TENM3: variants seen among roughly 807,000 people sequenced by gnomAD.
The protein encoded by TENM3 is teneurin-3.
Under a neutral mutation model 255.1 loss-of-function variants are expected in TENM3, and 63 were observed. The ratio of observed to expected loss-of-function variants is 0.25; its 90% CI spans 0.20 to 0.30. TENM3 has a LOEUF of 0.30. TENM3 is among the 10% of genes least tolerant of loss of function. TENM3 has a pLI of 1.00. For missense variants in TENM3, 2,929 were observed against 3,461.1 expected (o/e 0.85, Z 3.86); for synonymous variants, 1,306 against 1,322.3 (o/e 0.99, Z 0.27).
At chr4:182,714,962 G>A (rs1046849752) in intron 13 of TENM3, among the ~76,000 whole-genome samples, 22 of 152,286 alleles carry the variant, frequency 1.4e-4, no homozygotes, top group East Asian at 1.4e-3. Flanking sequence ...TCAGCTCACC[G>A]CAGCCTCCAC....
chr4:181,649,331 A>G, the TENM3 span, among the ~76,000 whole-genome samples: 17 of 152,240 alleles, frequency 1.1e-4, no homozygotes, highest in African/African-American at 4.1e-4. Flanking sequence ...GTCCATCAAT[A>G]CCGGTATGAG....
chr4:182,733,102 A>G (rs1359189851), intron 16 of TENM3, among the ~76,000 whole-genome samples: 1 of 152,228 alleles, frequency 6.6e-6, no homozygotes, highest in East Asian at 1.9e-4. Context: ...AAAATAATAA[A>G]GCAGGGGACA....
the TENM3 span, among the ~76,000 whole-genome samples, chr4:181,815,462 C>CAAAAAAA: frequency 0.3 from 24,120 of 80,168 alleles, 3,311 homozygotes; most frequent in Admixed American, 0.4. Context: ...GACTCCCTAT[C>CAAAAAAA]AAAAAAAAAA....
At chr4:182,055,296 G>T in the TENM3 span, among the ~76,000 whole-genome samples, 1 of 152,058 alleles carries the variant, frequency 6.6e-6, no homozygotes, top group Non-Finnish European at 1.5e-5. Flanking sequence ...TGTGAGCCAT[G>T]ATGGTGCCAC....
chr4:181,596,103 A>G, the TENM3 span, among the ~76,000 whole-genome samples: 1 of 152,222 alleles, frequency 6.6e-6, no homozygotes, highest in Admixed American at 6.5e-5. Flanking sequence ...CACAACACGC[A>G]GAACAGTTCC....
the TENM3 span, among the ~76,000 whole-genome samples, chr4:181,782,100 G>T: frequency 1.3e-5 from 2 of 151,930 alleles, no homozygotes; most frequent in Non-Finnish European, 2.9e-5. Flanking sequence ...TTGTATCTCT[G>T]CCAGGCTTTG....
At chr4:182,057,818 C>G in the TENM3 span, among the ~76,000 whole-genome samples, 1 of 151,988 alleles carries the variant, frequency 6.6e-6, no homozygotes, top group Non-Finnish European at 1.5e-5. Flanking sequence ...GAGAAGCGTC[C>G]TTCACCTCAA....
chr4:182,668,348 T>A (rs1171753773), intron 6 of TENM3, among the ~76,000 whole-genome samples: 1 of 152,178 alleles, frequency 6.6e-6, no homozygotes, highest in Non-Finnish European at 1.5e-5. Context: ...ATTGAGGGTC[T>A]ATTAATAGAA....
the TENM3 span, among the ~76,000 whole-genome samples, chr4:181,965,200 C>A: frequency 2.0e-5 from 3 of 152,090 alleles, no homozygotes; most frequent in Non-Finnish European, 4.4e-5. Flanking sequence ...AATTAACTTC[C>A]TCCTTATTTT....
At chr4:182,101,206 G>A in the TENM3 span, among the ~76,000 whole-genome samples, 2 of 26,160 alleles carry the variant, frequency 7.6e-5, 1 homozygote, top group African/African-American at 2.4e-4. Context: ...AAGGAAAGAA[G>A]GGAGGGAGGA....
intron 1 of TENM3, among the ~76,000 whole-genome samples, chr4:182,303,501 C>T (rs1171963881): frequency 6.6e-6 from 1 of 152,194 alleles, no homozygotes; most frequent in East Asian, 1.9e-4. Context: ...CCCATCATTT[C>T]ATTGTATCCA....
At chr4:181,473,585 C>T in the TENM3 span, among the ~76,000 whole-genome samples, 7 of 151,750 alleles carry the variant, frequency 4.6e-5, no homozygotes, top group Admixed American at 1.3e-4. Context: ...GAGTGAGACT[C>T]TGTCTCAAAA....
At chr4:182,498,345 C>T (rs1399761028) in intron 3 of TENM3, among the ~76,000 whole-genome samples, 3 of 152,098 alleles carry the variant, frequency 2.0e-5, no homozygotes, top group Admixed American at 2.0e-4. Context: ...AGGAAAACTG[C>T]ACTTCATCAT....
chr4:182,224,303 C>T (rs990157244), intron 1 of TENM3, among the ~76,000 whole-genome samples: 1 of 152,104 alleles, frequency 6.6e-6, no homozygotes, highest in Admixed American at 6.5e-5. Flanking sequence ...CCTGGCTTTG[C>T]TAATTTTACC....
the TENM3 span, among the ~76,000 whole-genome samples, chr4:181,790,858 G>C: frequency 1.3e-5 from 2 of 152,126 alleles, no homozygotes; most frequent in Non-Finnish European, 2.9e-5. Context: ...GTGATATTTA[G>C]AGGCAAGTTA....
At chr4:181,960,812 A>C in the TENM3 span, among the ~76,000 whole-genome samples, 2 of 152,196 alleles carry the variant, frequency 1.3e-5, no homozygotes, top group African/African-American at 2.4e-5. Context: ...TTACTTGACC[A>C]CATATTTTTT....
the TENM3 span, among the ~76,000 whole-genome samples, chr4:181,689,074 G>A: frequency 6.6e-6 from 1 of 152,156 alleles, no homozygotes; most frequent in African/African-American, 2.4e-5. Context: ...AGAGCAGTAG[G>A]CTGGTGCTGA....
chr4:182,693,640 G>C (rs530883776), intron 12 of TENM3, among the ~76,000 whole-genome samples: 1 of 152,004 alleles, frequency 6.6e-6, no homozygotes, highest in African/African-American at 2.4e-5. Context: ...GGGTTTTTTC[G>C]CAATGTAAAA....
chr4:181,571,121 C>A, the TENM3 span, among the ~76,000 whole-genome samples: 1 of 152,034 alleles, frequency 6.6e-6, no homozygotes, highest in African/African-American at 2.4e-5. Context: ...AGGAAGTAGC[C>A]GGTGCTGTTC....
Sources: allele counts gnomAD v4.1 joint callset (sites outside exome capture counted in the v4.1 genomes callset), GRCh38; gene constraint gnomAD v4.1.1; transcripts MANE v1.5; gene names NCBI Gene and HGNC (gene_info 2026-07-23, HGNC 2026-07-21).